The following CHCHD3 variants were observed in gnomAD, a reference collection of about 807,000 sequenced individuals.
CHCHD3 encodes the protein MICOS complex subunit MIC19.
In CHCHD3, 20 loss-of-function variants were observed where a neutral mutation model predicts 38.2. The observed-to-expected ratio is 0.52, with a 90% CI of 0.37 to 0.76. The LOEUF is 0.76. Ranked by LOEUF, CHCHD3 falls within the 30% of genes least tolerant of loss-of-function variation. The probability of loss-of-function intolerance (pLI) is 0.00; values close to 1 mark genes in which losing one functional copy is unlikely to be tolerated. For synonymous variants in CHCHD3, 82 were observed against 100.0 expected (o/e 0.82, Z 1.07); for missense variants, 245 against 279.2 (o/e 0.88, Z 0.87).
At chr7:132,810,960 C>T (rs1431110357) in intron 6 of CHCHD3, among the ~76,000 whole-genome samples, 2 of 152,164 alleles carry the variant, frequency 1.3e-5, no homozygotes, top group Non-Finnish European at 2.9e-5. Flanking sequence ...GGTAAACTCA[C>T]TCTCCCCCTA....
chr7:132,820,964 T>A (rs1279652799), intron 6 of CHCHD3, among the ~76,000 whole-genome samples: 1 of 152,200 alleles, frequency 6.6e-6, no homozygotes, highest in East Asian at 1.9e-4. Flanking sequence ...CTAACCACAT[T>A]ATGTAGTTCT....
At chr7:132,963,514 C>T (rs948472031) in intron 4 of CHCHD3, among the ~76,000 whole-genome samples, 5 of 151,356 alleles carry the variant, frequency 3.3e-5, no homozygotes, top group Non-Finnish European at 7.4e-5. Flanking sequence ...CGCCTGTAGT[C>T]CCAGCTACTC....
intron 5 of CHCHD3, among the ~76,000 whole-genome samples, chr7:132,841,347 G>A (rs758636753): frequency 6.0e-5 from 9 of 148,866 alleles, no homozygotes; most frequent in Non-Finnish European, 1.3e-4. Flanking sequence ...TTCAGAAAGA[G>A]TAGAGATCTC....
intron 3 of CHCHD3, among the ~76,000 whole-genome samples, chr7:133,003,954 C>G (rs2117395881): frequency 6.7e-6 from 1 of 149,798 alleles, no homozygotes; most frequent in East Asian, 1.9e-4. Context: ...TGAAAGATAT[C>G]TTAAAGATTT....
chr7:132,985,973 TG>T lies in CHCHD3; in HGVS notation c.252-10688del, dbSNP rs1812108398. On this transcript the variant is annotated intron_variant, in intron 3 of 7. Transcript: ENST00000262570. ...TTGTGGAATAGAAAGGGGGAGAAGG[TG>T]GGGAAAAGATTGAGAAATCGGATGG... 2.0e-5 allele frequency among the ~76,000 whole-genome samples: 3 copies of T among 151,612 alleles called. No homozygotes were observed. The South Asian group carries it at 6.3e-4, about 32-fold the overall frequency.
chr7:132,973,851 T>C (rs1458873171), intron 4 of CHCHD3: 2 of 1,139,034 alleles, frequency 1.8e-6, no homozygotes, highest in Non-Finnish European at 2.2e-6. Context: ...CCCCTCACTC[T>C]TCAGTTCAAA....
chr7:132,921,891 G>C (rs1359618900), intron 4 of CHCHD3, among the ~76,000 whole-genome samples: 2 of 152,188 alleles, frequency 1.3e-5, no homozygotes, highest in Non-Finnish European at 2.9e-5. Context: ...CAGAGGACTT[G>C]AGAAATCCTT....
At chr7:132,873,872 A>T (rs994038752) in intron 5 of CHCHD3, among the ~76,000 whole-genome samples, 4 of 152,208 alleles carry the variant, frequency 2.6e-5, no homozygotes, top group African/African-American at 9.6e-5. Context: ...GAGGAGTAGT[A>T]ATTACACTGA....
intron 4 of CHCHD3, among the ~76,000 whole-genome samples, chr7:132,958,968 C>T (rs1288436787): frequency 2.6e-5 from 4 of 152,082 alleles, no homozygotes; most frequent in South Asian, 2.1e-4. Context: ...ATCTTTTTTG[C>T]CCGGGCAACA....
At chr7:132,903,648 G>C (rs1809724534) in intron 4 of CHCHD3, among the ~76,000 whole-genome samples, 1 of 152,190 alleles carries the variant, frequency 6.6e-6, no homozygotes, top group South Asian at 2.1e-4. Context: ...TTCTGGGGAA[G>C]TCAGAATATT....
chr7:132,805,911 G>C (rs138935848), intron 6 of CHCHD3, among the ~76,000 whole-genome samples: 3 of 152,314 alleles, frequency 2.0e-5, no homozygotes, highest in Non-Finnish European at 1.5e-5. Context: ...AGTAATGACA[G>C]GAAGCTCAAG....
chr7:132,897,911 G>A (rs1370100115), intron 4 of CHCHD3, among the ~76,000 whole-genome samples: 6 of 152,198 alleles, frequency 3.9e-5, no homozygotes, highest in Admixed American at 2.0e-4. Flanking sequence ...TAAAGGCAGC[G>A]TGTCCGGAGT....
At chr7:132,971,824 CAA>C (rs953472982) in intron 4 of CHCHD3, among the ~76,000 whole-genome samples, 1 of 152,282 alleles carries the variant, frequency 6.6e-6, no homozygotes, top group African/African-American at 2.4e-5. Flanking sequence ...GGCCATTACT[CAA>C]AGAGTCCCAC....
intron 3 of CHCHD3, among the ~76,000 whole-genome samples, chr7:133,012,788 AGGGG>A (rs1159885782): frequency 1.3e-4 from 1 of 7,552 alleles, no homozygotes; most frequent in African/African-American, 7.8e-4. Context: ...AAAGGAGGAG[AGGGG>A]AGGGGAGGGG....
Position 133,025,184 on chromosome 7 carries a change from C to A in CHCHD3, c.170-557G>T, listed in dbSNP as rs374272872. ...AATACATGTCATTCAAATTCAAGTG[C>A]CAGCAACTGGAGAGAGACAGAGAAG... On this transcript the variant is annotated intron_variant, in intron 2 of 7. Coordinates refer to ENST00000262570, the MANE Select transcript of CHCHD3 (RefSeq NM_017812.4). 2.0e-5 allele frequency among the ~76,000 whole-genome samples: 3 copies of A among 152,106 alleles called. No individual in the cohort carries two copies. The East Asian group carries it at 5.8e-4, about 29-fold the overall frequency.
intron 4 of CHCHD3, among the ~76,000 whole-genome samples, chr7:132,912,360 A>G (rs1425775640): frequency 6.6e-6 from 1 of 152,186 alleles, no homozygotes; most frequent in Non-Finnish European, 1.5e-5. Flanking sequence ...CCTTCTCTGA[A>G]ATAAGAAGAC....
intron 4 of CHCHD3, among the ~76,000 whole-genome samples, chr7:132,902,251 A>T (rs952620072): frequency 3.9e-5 from 6 of 152,220 alleles, no homozygotes; most frequent in African/African-American, 1.4e-4. Context: ...ACTGTGGAAG[A>T]CAGTGTGGCG....
intron 3 of CHCHD3, among the ~76,000 whole-genome samples, chr7:133,001,334 C>T (rs1812566933): frequency 6.6e-6 from 1 of 152,144 alleles, no homozygotes; most frequent in Admixed American, 6.5e-5. Context: ...CCCTTTCTCT[C>T]ACATCTAACA....
intron 3 of CHCHD3, among the ~76,000 whole-genome samples, chr7:133,003,217 T>C (rs1812615770): frequency 1.4e-5 from 2 of 141,120 alleles, no homozygotes; most frequent in Admixed American, 1.5e-4. Context: ...AGAAGACTGC[T>C]AGCAGAATGT....
Sources: allele counts gnomAD v4.1 joint callset (sites outside exome capture counted in the v4.1 genomes callset), GRCh38; gene constraint gnomAD v4.1.1; transcripts MANE v1.5; gene names NCBI Gene and HGNC (gene_info 2026-07-23, HGNC 2026-07-21).